The following TBC1D5 variants were observed in gnomAD, a reference collection of about 807,000 sequenced individuals.
The protein encoded by TBC1D5 is TBC1 domain family, member 5.
Under a neutral mutation model 100.3 loss-of-function variants are expected in TBC1D5, and 75 were observed. The observed-to-expected ratio is 0.75, with a 90% CI of 0.62 to 0.91. The LOEUF is 0.91. TBC1D5 is among the 40% of genes least tolerant of loss of function. The probability of loss-of-function intolerance (pLI) is 0.00; values close to 1 mark genes in which losing one functional copy is unlikely to be tolerated. For synonymous variants in TBC1D5, 323 were observed against 325.6 expected (o/e 0.99, Z 0.09); for missense variants, 910 against 942.4 (o/e 0.97, Z 0.45).
chr3:17,168,012 G>A (rs1417165749), intron 19 of TBC1D5, among the ~76,000 whole-genome samples, 184 bp from the exon 21 acceptor site: 1 of 152,046 alleles, frequency 6.6e-6, no homozygotes, highest in East Asian at 1.9e-4. Flanking sequence ...GGCAGCACTG[G>A]GCCTGGTACA....
At chr3:17,686,145 T>G (rs1343895001) in intron 1 of TBC1D5, among the ~76,000 whole-genome samples, 5 of 152,152 alleles carry the variant, frequency 3.3e-5, no homozygotes, top group African/African-American at 1.2e-4. Flanking sequence ...CATCTAATGC[T>G]ATCTTCAATC....
At chr3:17,591,890 G>T (rs184186367) in intron 2 of TBC1D5, among the ~76,000 whole-genome samples, 31 of 152,316 alleles carry the variant, frequency 2.0e-4, no homozygotes, top group African/African-American at 6.7e-4. Context: ...CACAGGGGTG[G>T]TGATTCCCAC....
At chr3:17,635,988 T>C (rs2063880451) in intron 1 of TBC1D5, among the ~76,000 whole-genome samples, 1 of 151,118 alleles carries the variant, frequency 6.6e-6, no homozygotes, top group African/African-American at 2.4e-5. Context: ...AGGTCAGGAG[T>C]TCAAGATCAG....
At chr3:17,694,479 C>G (rs1296046983) in intron 1 of TBC1D5, among the ~76,000 whole-genome samples, 2 of 152,060 alleles carry the variant, frequency 1.3e-5, no homozygotes, top group African/African-American at 4.8e-5. Flanking sequence ...ATTTGATCAA[C>G]TAGAAGAAAG....
chr3:17,644,595 C>T (rs2064838797), intron 1 of TBC1D5, among the ~76,000 whole-genome samples: 1 of 152,038 alleles, frequency 6.6e-6, no homozygotes, highest in African/African-American at 2.4e-5. Flanking sequence ...GTTGAAGTTT[C>T]CTTCTGCACA....
chr3:17,437,622 TAGAGAG>T (rs58492511), intron 3 of TBC1D5, among the ~76,000 whole-genome samples: 54,784 of 115,126 alleles, frequency 0.48, 12,221 homozygotes, highest in Middle Eastern at 0.57. Context: ...GAGACAGAGG[TAGAGAG>T]AGAGAGAGAG....
chr3:17,388,787 T>G (rs1250631313), intron 8 of TBC1D5, among the ~76,000 whole-genome samples: 19 of 151,860 alleles, frequency 1.3e-4, no homozygotes, highest in Admixed American at 1.2e-3. Context: ...CACTTGAGCC[T>G]CGGAGGTAGA....
chr3:17,337,687 A>C (rs929171881), intron 13 of TBC1D5: 1 of 152,172 alleles, frequency 6.6e-6, no homozygotes, highest in African/African-American at 2.4e-5. Flanking sequence ...ACACAATTTT[A>C]TTTTCTTTAA....
At chr3:17,267,265 G>C (rs1336788499) in intron 15 of TBC1D5, among the ~76,000 whole-genome samples, 1 of 152,056 alleles carries the variant, frequency 6.6e-6, no homozygotes, top group African/African-American at 2.4e-5. Flanking sequence ...GAAAGTAGGA[G>C]TTTAGGTCTA....
At chr3:17,251,090 C>T (rs1039134821) in intron 16 of TBC1D5, among the ~76,000 whole-genome samples, 1 of 152,074 alleles carries the variant, frequency 6.6e-6, no homozygotes, top group Non-Finnish European at 1.5e-5. Context: ...TGAGGGAGTA[C>T]GAATGGAAAC....
chr3:17,696,624 C>CA (rs1211170874), intron 1 of TBC1D5, among the ~76,000 whole-genome samples: 2 of 151,740 alleles, frequency 1.3e-5, no homozygotes, highest in East Asian at 1.9e-4. Flanking sequence ...GCCTACCAAC[C>CA]AAAAAAAAGT....
chr3:17,725,769 T>G (rs1005408399), intron 1 of TBC1D5, among the ~76,000 whole-genome samples: 6 of 152,182 alleles, frequency 3.9e-5, no homozygotes, highest in African/African-American at 1.4e-4. Flanking sequence ...ATACGTAAAC[T>G]GCATGTCACA....
chr3:17,415,137 T>C (rs2094032582), intron 4 of TBC1D5, among the ~76,000 whole-genome samples: 1 of 152,116 alleles, frequency 6.6e-6, no homozygotes, highest in African/African-American at 2.4e-5. Flanking sequence ...CTGTCAAATA[T>C]AATACTCTCC....
chr3:17,225,652 T>C (rs2074807749), intron 17 of TBC1D5, among the ~76,000 whole-genome samples: 1 of 151,810 alleles, frequency 6.6e-6, no homozygotes, highest in Admixed American at 6.6e-5. Context: ...AGAGTAGTGG[T>C]GCGTGCCTGT....
At chr3:17,367,883 A>C (rs2092256175) in intron 13 of TBC1D5, among the ~76,000 whole-genome samples, 1 of 152,070 alleles carries the variant, frequency 6.6e-6, no homozygotes, top group African/African-American at 2.4e-5. Context: ...AAAGATGTTA[A>C]TTATTTATTC....
At chr3:17,703,948 A>T (rs1256215306) in intron 1 of TBC1D5, among the ~76,000 whole-genome samples, 6 of 142,956 alleles carry the variant, frequency 4.2e-5, no homozygotes, top group Non-Finnish European at 7.6e-5. Flanking sequence ...TTTATTGATA[A>T]TTCTTGGGTG....
chr3:17,192,909 C>A (rs1349141567), intron 18 of TBC1D5, among the ~76,000 whole-genome samples: 1 of 152,228 alleles, frequency 6.6e-6, no homozygotes, highest in African/African-American at 2.4e-5. Flanking sequence ...GTTTTCATAA[C>A]AATCACTGAG....
chr3:17,592,901 T>C (rs974904366), intron 2 of TBC1D5, among the ~76,000 whole-genome samples: 3 of 152,190 alleles, frequency 2.0e-5, no homozygotes, highest in African/African-American at 7.2e-5. Context: ...GGAAACTGAA[T>C]GTTTGACTAT....
intron 15 of TBC1D5, among the ~76,000 whole-genome samples, chr3:17,261,474 TG>T (rs2078275231): frequency 7.0e-4 from 2 of 2,842 alleles, no homozygotes; most frequent in African/African-American, 3.8e-3. Flanking sequence ...TTTTGGGGGG[TG>T]GGGTGGGGTG....
Sources: gnomAD v4.1 joint callset for allele counts (sites outside exome capture counted in the v4.1 genomes callset) on GRCh38, gnomAD v4.1.1 for gene constraint, MANE v1.5 for transcripts, NCBI Gene and HGNC (gene_info 2026-07-23, HGNC 2026-07-21) for gene names.